SMG1: variants seen among roughly 807,000 people sequenced by gnomAD.
The protein encoded by SMG1 is serine/threonine-protein kinase SMG1.
A neutral mutation model predicts 419.9 loss-of-function variants in SMG1; 22 were observed. That is an observed-to-expected ratio of 0.05 (90% CI 0.04 to 0.07). SMG1 has a LOEUF of 0.07. SMG1 is among the 10% of genes least tolerant of loss of function. SMG1 has a pLI of 1.00. For synonymous variants in SMG1, 1,538 were observed against 1,553.5 expected, an observed-to-expected ratio of 0.99 and a Z score of 0.23; for missense variants, 3,185 against 4,342.0, an observed-to-expected ratio of 0.73 and a Z score of 7.49.
rs772254687 is a variant in SMG1 at position 18,847,620 on chromosome 16, C to A, written c.5842-13G>T. The A allele has an allele frequency of 6.2e-7, 1 of 1,613,882 alleles. No individual in the cohort carries two copies. Among genetic ancestry groups the A allele is most frequent in the Non-Finnish European group, 8.5e-7 (1 of 1,179,864 alleles). On this transcript the variant is annotated splice_polypyrimidine_tract_variant and intron_variant, in intron 37 of 62. Transcript: ENST00000446231. ...CGAGCATCTGAACCTGCATACACAG[C>A]ACACCCAAATAGCTCATCTACAAGC...
Position 18,879,839 on chromosome 16 carries a change from C to T in SMG1, c.1294-120G>A, listed in dbSNP as rs2036305589. 5.8e-6 allele frequency: 4 copies of T among 692,090 alleles called. No homozygotes were observed. In the South Asian group the frequency reaches 6.6e-5, roughly 11 times the overall value. The allele number at this position is 692,090 out of a possible 1,614,324, so 42.9% of individuals were successfully genotyped here. A position where few individuals can be genotyped will look rare whatever the true frequency, so the allele number is the denominator to read the frequency against. On this transcript the variant is annotated intron_variant, in intron 10 of 62. Coordinates refer to ENST00000446231, the MANE Select transcript of SMG1 (RefSeq NM_015092.5). ...ATTAACTGCTTGCCTTGCCAGCAGT[C>T]TCTTAATATTCTAGTTCTCAGTAGT...
Position 18,866,641 on chromosome 16 carries a change from C to T in SMG1, c.3330G>A (p.Val1110=), listed in dbSNP as rs765540525. 1.3e-6 allele frequency: 2 copies of T among 1,593,574 alleles called. No homozygotes were observed. Among genetic ancestry groups the T allele is most frequent in the Non-Finnish European group, 1.7e-6 (2 of 1,176,230 alleles). ...VGKNLLWINS[V]AQQAEGRFEK... is the part of the protein sequence containing the mutation. The stretch of plus-strand genomic sequence containing the variant: ...CCTACCTCCCTTCAGCCTGTTGAGC[C>T]ACTGAGTTAATCCACAGAAGATTTT... Residue 1110 remains valine, a synonymous_variant, in exon 23 of 63, where the codon GTG becomes GTA. Transcript: ENST00000446231.
Position 18,827,702 on chromosome 16 carries a change from A to G in SMG1, c.9741+329T>C, listed in dbSNP as rs1374423245. Among the ~76,000 whole-genome samples, 3 of 143,356 alleles carry G rather than the reference A, an allele frequency of 2.1e-5. No homozygotes were observed. In the East Asian group the frequency reaches 6.0e-4, roughly 29 times the overall value. The allele number at this position is 143,356 out of a possible 152,430, so 94.0% of individuals were successfully genotyped here. Reference sequence around the variant, plus strand: ...TTGGTATAAATATATCTAAATATATATTTTATATATATATTTGGTATAAAT... The same window carrying G: ...TTGGTATAAATATATCTAAATATATGTTTTATATATATATTTGGTATAAAT... On this transcript the variant is annotated intron_variant, in intron 55 of 62. Transcript: ENST00000446231.
intron 35 of SMG1, 118 bp downstream of exon 35, chr16:18,849,831 G>T: frequency 1.0e-6 from 1 of 984,030 alleles, no homozygotes. Context: ...GTCCTAGGAA[G>T]TTAATCTGGC....
intron 11 of SMG1, 156 bp from the exon 12 acceptor site, chr16:18,877,388 G>C: frequency 2.0e-6 from 1 of 505,344 alleles, no homozygotes; most frequent in Admixed American, 3.3e-5. Context: ...CAAAACGACG[G>C]AGACAGTAAA....
chr16:18,894,369 A>G (rs1450232868), intron 3 of SMG1, among the ~76,000 whole-genome samples: 2 of 152,156 alleles, frequency 1.3e-5, no homozygotes. Flanking sequence ...GACAGATACC[A>G]AAAATGTCAT....
chr16:18,917,130 T>C (rs990570373), intron 1 of SMG1, among the ~76,000 whole-genome samples: 3 of 151,900 alleles, frequency 2.0e-5, no homozygotes, highest in Non-Finnish European at 4.4e-5. Context: ...GCTGAACACT[T>C]TTACCTTAAT....
intron 8 of SMG1, chr16:18,884,859 C>T (rs1187219393): frequency 1.9e-6 from 1 of 521,638 alleles, no homozygotes; most frequent in Non-Finnish European, 3.4e-6. Context: ...CCTACCAGTA[C>T]AAACTACAAA....
chr16:18,835,858 C>T (rs1284001156), intron 48 of SMG1, 75 bp downstream of exon 48: 2 of 1,422,634 alleles, frequency 1.4e-6, no homozygotes, highest in Admixed American at 2.1e-5. Context: ...AAGATCATGC[C>T]ACCACACTCC....
In SMG1 at chr16:18,879,513, G is replaced by C. The variant is rs1379748247; in HGVS notation, c.1500C>G (p.Val500=). 2 of 930,236 alleles carry C rather than the reference G, an allele frequency of 2.1e-6. No individual in the cohort carries two copies. Among genetic ancestry groups the C allele is most frequent in the South Asian group, 2.8e-5 (2 of 71,164 alleles). The allele number at this position is 930,236 out of a possible 1,614,324, so 57.6% of individuals were successfully genotyped here. ...CACATACCAGCGTGAGTAAATTCAA[G>C]ACTGAGATGATATAATCGGTACCAC... ...QTCGTDYIIS[V]LNLLTLIVEQ... Residue 500 remains valine, a synonymous_variant, in exon 11 of 63, where the codon GTC becomes GTG. Coordinates refer to ENST00000446231, the MANE Select transcript of SMG1 (RefSeq NM_015092.5).
rs374439999 is a variant in SMG1 at position 18,845,660 on chromosome 16, G to A, written c.5997-9C>T. 1.9e-5 allele frequency: 31 copies of A among 1,596,408 alleles called. No homozygotes were observed. The highest frequency in any genetic ancestry group is 2.6e-5 in the Non-Finnish European group (30 of 1,171,978). On this transcript the variant is annotated splice_polypyrimidine_tract_variant and intron_variant, in intron 38 of 62. Transcript: ENST00000446231. ...TTGCAATTTTCTCTTCTCTGACCAA[G>A]AAGACATTTTTATTCAAAAACTTAA...
intron 60 of SMG1, 142 bp downstream of exon 60, chr16:18,815,033 G>C (rs987775055): frequency 3.2e-6 from 2 of 619,616 alleles, no homozygotes; most frequent in African/African-American, 3.7e-5. Context: ...GTATTTTTAA[G>C]GATAAGCTAA....
chr16:18,920,285 G>A (rs1247299864), intron 1 of SMG1, among the ~76,000 whole-genome samples: 1 of 151,140 alleles, frequency 6.6e-6, no homozygotes, highest in African/African-American at 2.4e-5. Flanking sequence ...AGGAGGCTGA[G>A]ACAGGAAAAT....
rs760191227 is a variant in SMG1, at chr16:18,869,812, A to T, written c.2633+42T>A. On this transcript the variant is annotated intron_variant, in intron 19 of 62. Transcript: ENST00000446231. ...TGCATGTAAAGTCAAAAGAATCTTA[A>T]AATTATGTTTCCCAGATAAAAGAGT... 3.2e-6 allele frequency: 5 copies of T among 1,554,652 alleles called. No individual in the cohort carries two copies. The East Asian group carries it at 1.1e-4, about 35-fold the overall frequency.
chr16:18,834,761 A>G (rs1434857644), intron 49 of SMG1, 131 bp downstream of exon 49: 12 of 1,027,394 alleles, frequency 1.2e-5, no homozygotes, highest in Admixed American at 6.8e-5. Flanking sequence ...CACAACCAAG[A>G]TAACTAAAAT....
Position 18,859,737 on chromosome 16 carries a change from T to C in SMG1, c.3806-34A>G, listed in dbSNP as rs539710283. ...GTTAAATAAAACGTCATTAAGTTCA[T>C]GTGCTTTTATTATAAATTTTGATTT... is the stretch of plus-strand genomic sequence containing the variant. On this transcript the variant is annotated intron_variant, in intron 26 of 62. Transcript: ENST00000446231. 74 of 1,541,366 alleles carry C rather than the reference T, an allele frequency of 4.8e-5. 1 individual carries two copies. The South Asian group carries it at 8.3e-4, about 17-fold the overall frequency.
intron 55 of SMG1, among the ~76,000 whole-genome samples, chr16:18,819,992 T>G (rs2032371718): frequency 6.6e-6 from 1 of 151,568 alleles, no homozygotes; most frequent in Non-Finnish European, 1.5e-5. Context: ...TGAGACGGAG[T>G]CTCACTCTGT....
At chr16:18,821,221 C>CTTTTTTTTTTTTTTTTTTCTTTTTTTT (rs2032509856) in intron 55 of SMG1, among the ~76,000 whole-genome samples, 1 of 35,600 alleles carries the variant, frequency 2.8e-5, no homozygotes, top group Non-Finnish European at 5.5e-5. Context: ...TAGTATGTTT[C>CTTTTTTTTTTTTTTTTTTCTTTTTTTT]TTTTTTTTTT....
chr16:18,900,388 G>T (rs2037300142), intron 1 of SMG1, among the ~76,000 whole-genome samples: 1 of 152,086 alleles, frequency 6.6e-6, no homozygotes, highest in South Asian at 2.1e-4. Context: ...CAAATGACCA[G>T]AATCCTTAGA....
Sources: gnomAD v4.1 joint callset for allele counts (sites outside exome capture counted in the v4.1 genomes callset) on GRCh38, gnomAD v4.1.1 for gene constraint, MANE v1.5 for transcripts, NCBI Gene and HGNC (gene_info 2026-07-23, HGNC 2026-07-21) for gene names.